The following CFAP299 variants were observed in gnomAD, a reference collection of about 807,000 sequenced individuals.
CFAP299 encodes the protein cilia- and flagella-associated protein 299.
Under a neutral mutation model 27.0 loss-of-function variants are expected in CFAP299, and 21 were observed. That is an observed-to-expected ratio of 0.78 (90% CI 0.55 to 1.12). The LOEUF is 1.12. CFAP299 is among the 50% of genes most tolerant of loss of function. CFAP299 has a pLI of 0.00. For missense variants in CFAP299, 310 were observed against 276.6 expected (o/e 1.12, Z -0.86); for synonymous variants, 104 against 98.1 (o/e 1.06, Z -0.36).
In CFAP299 at chr4:80,409,653, T is replaced by G. The variant is rs937686499; in HGVS notation, c.242+46769T>G. Reference sequence around the variant, plus strand: ...GTTTTCACAGCTTTACTATTTTAACTTTTACAGAAGGTAGAAAAATGCTCT... The same window carrying G: ...GTTTTCACAGCTTTACTATTTTAACGTTTACAGAAGGTAGAAAAATGCTCT... On this transcript the variant is annotated intron_variant, in intron 2 of 5. Coordinates refer to ENST00000358105, the MANE Select transcript of CFAP299 (RefSeq NM_152770.3). Among the ~76,000 whole-genome samples, 11 of 152,320 alleles carry G rather than the reference T, an allele frequency of 7.2e-5. No homozygotes were observed. The East Asian group carries it at 1.9e-3, about 27-fold the overall frequency.
intron 2 of CFAP299, among the ~76,000 whole-genome samples, chr4:80,524,287 G>A (rs144753555): frequency 6.6e-6 from 1 of 151,846 alleles, no homozygotes; most frequent in Non-Finnish European, 1.5e-5. Flanking sequence ...AGTGCCCATG[G>A]GCTCATACAT....
At chr4:80,610,839 A>G (rs905853706) in intron 3 of CFAP299, among the ~76,000 whole-genome samples, 6 of 152,028 alleles carry the variant, frequency 3.9e-5, no homozygotes, top group Non-Finnish European at 8.8e-5. Flanking sequence ...GGGTTTCATC[A>G]GTCATGGTTA....
At chr4:80,651,488 C>T (rs1170227335) in intron 3 of CFAP299, among the ~76,000 whole-genome samples, 1 of 151,622 alleles carries the variant, frequency 6.6e-6, no homozygotes, top group African/African-American at 2.4e-5. Context: ...ACCTCAGCCC[C>T]TCAAGTAACT....
At chr4:80,476,966 T>C (rs1403104055) in intron 2 of CFAP299, among the ~76,000 whole-genome samples, 3 of 149,810 alleles carry the variant, frequency 2.0e-5, no homozygotes, top group Admixed American at 6.6e-5. Context: ...CATGCGTGTG[T>C]GTGTGTGTGT....
intron 2 of CFAP299, among the ~76,000 whole-genome samples, chr4:80,560,961 A>G (rs1161752506): frequency 6.6e-6 from 1 of 152,100 alleles, no homozygotes; most frequent in Admixed American, 6.6e-5. Flanking sequence ...TGAGGTCTTG[A>G]GTGAACATAG....
At chr4:80,614,032 G>A (rs887909616) in intron 3 of CFAP299, among the ~76,000 whole-genome samples, 2 of 151,978 alleles carry the variant, frequency 1.3e-5, no homozygotes, top group African/African-American at 4.8e-5. Flanking sequence ...TATAAAGTTG[G>A]GTTTTGTTAT....
At chr4:80,602,256 A>G (rs1429268683) in intron 3 of CFAP299, among the ~76,000 whole-genome samples, 1 of 152,214 alleles carries the variant, frequency 6.6e-6, no homozygotes, top group African/African-American at 2.4e-5. Flanking sequence ...AAATAAATGT[A>G]AATGAAGGAA....
At chr4:80,848,532 C>A (rs1214748397) in intron 3 of CFAP299, among the ~76,000 whole-genome samples, 1 of 151,990 alleles carries the variant, frequency 6.6e-6, no homozygotes, top group African/African-American at 2.4e-5. Context: ...TATTGGGCAA[C>A]TGTGGTGGGA....
At chr4:80,801,275 T>C (rs1728580013) in intron 3 of CFAP299, among the ~76,000 whole-genome samples, 2 of 151,972 alleles carry the variant, frequency 1.3e-5, no homozygotes, top group Admixed American at 6.6e-5. Flanking sequence ...ATGGTTTTGA[T>C]AACTTTCTAC....
intron 3 of CFAP299, among the ~76,000 whole-genome samples, chr4:80,708,519 A>C (rs899788385): frequency 6.6e-6 from 1 of 152,112 alleles, no homozygotes; most frequent in Non-Finnish European, 1.5e-5. Context: ...CAATTGGAAA[A>C]GGCTCTTGGT....
chr4:80,553,097 A>C (rs1282770528), intron 2 of CFAP299, among the ~76,000 whole-genome samples: 2 of 151,884 alleles, frequency 1.3e-5, no homozygotes, highest in East Asian at 3.9e-4. Flanking sequence ...AGATTATTTT[A>C]TTACCCAGGT....
chr4:80,926,065 A>G (rs1301243939), intron 4 of CFAP299, among the ~76,000 whole-genome samples: 1 of 152,060 alleles, frequency 6.6e-6, no homozygotes, highest in Admixed American at 6.6e-5. Context: ...TATTTGAAGG[A>G]TGTGCAGAAC....
chr4:80,864,491 CAT>C (rs1553901359), intron 3 of CFAP299, among the ~76,000 whole-genome samples: 1 of 145,396 alleles, frequency 6.9e-6, no homozygotes, highest in East Asian at 2.0e-4. Flanking sequence ...CATATATACA[CAT>C]ATATATACAT....
At chr4:80,963,373 G>C (rs1333097185) in intron 5 of CFAP299, 144 bp from the exon 6 acceptor site, 1 of 595,300 alleles carries the variant, frequency 1.7e-6, no homozygotes, top group African/African-American at 1.9e-5. Context: ...AAAAAGACTA[G>C]GGGGAAAACA....
At chr4:80,501,821 T>C (rs1731762776) in intron 2 of CFAP299, among the ~76,000 whole-genome samples, 1 of 150,874 alleles carries the variant, frequency 6.6e-6, no homozygotes, top group Non-Finnish European at 1.5e-5. Flanking sequence ...TATAGTACTT[T>C]TGAAAAGTCT....
chr4:80,394,564 C>T (rs557996662), intron 2 of CFAP299, among the ~76,000 whole-genome samples: 24 of 152,052 alleles, frequency 1.6e-4, no homozygotes, highest in South Asian at 6.2e-4. Context: ...CAGTTTCTTA[C>T]GTATAAGTCA....
At chr4:80,683,672 T>G (rs887050325) in intron 3 of CFAP299, among the ~76,000 whole-genome samples, 1 of 152,228 alleles carries the variant, frequency 6.6e-6, no homozygotes, top group Non-Finnish European at 1.5e-5. Context: ...TGCTAGTTTT[T>G]GAAAATAGGA....
chr4:80,631,344 GAGTC>G (rs1190430008), intron 3 of CFAP299, among the ~76,000 whole-genome samples: 2 of 151,964 alleles, frequency 1.3e-5, no homozygotes, highest in African/African-American at 2.4e-5. Context: ...AATTGTATGA[GAGTC>G]AGTGCAAATA....
chr4:80,486,852 G>A (rs531734858), intron 2 of CFAP299, among the ~76,000 whole-genome samples: 2 of 152,328 alleles, frequency 1.3e-5, no homozygotes, highest in East Asian at 3.9e-4. Context: ...TTAGTCTAGT[G>A]GCCAGCATTG....
Sources: gnomAD v4.1 joint callset for allele counts (sites outside exome capture counted in the v4.1 genomes callset) on GRCh38, gnomAD v4.1.1 for gene constraint, MANE v1.5 for transcripts, NCBI Gene and HGNC (gene_info 2026-07-23, HGNC 2026-07-21) for gene names.